MS4A15: variants seen among roughly 807,000 people sequenced by gnomAD.
MS4A15 encodes membrane-spanning 4-domains subfamily A member 15.
MS4A15 carries 22 observed loss-of-function variants against 20.6 expected under a neutral mutation model. That is an observed-to-expected ratio of 1.07 (90% CI 0.76 to 1.52). The LOEUF is 1.52. Among genes scored for constraint, MS4A15 ranks in the 40% most tolerant of loss-of-function variants. MS4A15 has a pLI of 0.00. For synonymous variants in MS4A15, 129 were observed against 129.3 expected, an observed-to-expected ratio of 1.00 and a Z score of 0.02; for missense variants, 312 against 323.0, an observed-to-expected ratio of 0.97 and a Z score of 0.26.
At chr11:60,767,473 G>C (rs1265518142) in intron 2 of MS4A15, 60 bp from the exon 3 acceptor site, 3 of 1,415,462 alleles carry the variant, frequency 2.1e-6, no homozygotes, top group Non-Finnish European at 2.8e-6. Context: ...CTCTCCGCGG[G>C]GCCGGCAGGG....
intron 1 of MS4A15, among the ~76,000 whole-genome samples, chr11:60,762,856 C>A (rs933957034): frequency 1.3e-5 from 2 of 152,134 alleles, no homozygotes; most frequent in African/African-American, 4.8e-5. Flanking sequence ...AATGTAACTC[C>A]TTGACCCTAA....
At chr11:60,759,679 G>A (rs1161466927) in intron 1 of MS4A15, among the ~76,000 whole-genome samples, 2 of 152,186 alleles carry the variant, frequency 1.3e-5, no homozygotes, top group Admixed American at 6.5e-5. Context: ...GGAGAAAACT[G>A]CCCTGTGGCT....
chr11:60,764,104 C>T (rs78177330), intron 2 of MS4A15, 146 bp downstream of exon 2: 27,527 of 728,470 alleles, frequency 0.038, 830 homozygotes, highest in South Asian at 0.091. Context: ...GGTAGACAAG[C>T]ACCCTTCCCG....
intron 1 of MS4A15, among the ~76,000 whole-genome samples, chr11:60,757,885 T>C (rs1257144431): frequency 1.3e-5 from 2 of 152,226 alleles, no homozygotes; most frequent in African/African-American, 2.4e-5. Context: ...TCCCTGTTAT[T>C]GTTCAAAGCA....
intron 2 of MS4A15, among the ~76,000 whole-genome samples, chr11:60,766,958 A>G (rs1275680702): frequency 2.0e-5 from 3 of 152,184 alleles, no homozygotes; most frequent in Admixed American, 6.5e-5. Flanking sequence ...TGTTTCTGCT[A>G]TTTGGCAGAC....
intron 2 of MS4A15, among the ~76,000 whole-genome samples, chr11:60,764,634 G>C (rs940296354): frequency 1.3e-5 from 2 of 152,344 alleles, no homozygotes; most frequent in African/African-American, 4.8e-5. Context: ...CTTTAGGCCA[G>C]GTGAGGTGGC....
Position 60,775,935 on chromosome 11 carries a change from G to A in MS4A15, c.*220G>A, listed in dbSNP as rs147908770. ...AAAAGACACCGGGCTGACGTCAGGGGTGTGTGTCCTTCAGCTCCCTGAGCC... is the reference window on the plus strand; with the variant it reads ...AAAAGACACCGGGCTGACGTCAGGGATGTGTGTCCTTCAGCTCCCTGAGCC... On this transcript the variant is annotated 3_prime_UTR_variant, in exon 7 of 7. Coordinates refer to ENST00000405633, the MANE Select transcript of MS4A15 (RefSeq NM_001098835.2). 2.3e-6 allele frequency: 1 copy of A among 441,222 alleles called. No homozygotes were observed. Among genetic ancestry groups the A allele is most frequent in the Non-Finnish European group, 4.1e-6 (1 of 244,446 alleles). 27.3% of individuals were successfully genotyped at this position (441,222 alleles called of 1,614,324 possible). A position where few individuals can be genotyped will look rare whatever the true frequency, so the allele number is the denominator to read the frequency against.
At chr11:60,775,411 T>C (rs1289982678) in intron 6 of MS4A15, among the ~76,000 whole-genome samples, 194 bp from the exon 7 acceptor site, 1 of 152,192 alleles carries the variant, frequency 6.6e-6, no homozygotes, top group Non-Finnish European at 1.5e-5. Flanking sequence ...GTACTCCCAA[T>C]GCCTGGATCA....
intron 2 of MS4A15, among the ~76,000 whole-genome samples, 171 bp from the exon 3 acceptor site, chr11:60,767,362 A>G (rs969977492): frequency 3.9e-5 from 6 of 152,174 alleles, no homozygotes; most frequent in Non-Finnish European, 5.9e-5. Flanking sequence ...TTTCTCCTTA[A>G]AAGTGTCTAT....
At chr11:60,758,992 C>T (rs1853658549) in intron 1 of MS4A15, among the ~76,000 whole-genome samples, 1 of 152,234 alleles carries the variant, frequency 6.6e-6, no homozygotes, top group South Asian at 2.1e-4. Context: ...GTTAGTGATT[C>T]CGCTTATGCG....
intron 2 of MS4A15, among the ~76,000 whole-genome samples, chr11:60,764,589 G>A (rs1468005074): frequency 4.6e-5 from 7 of 152,152 alleles, no homozygotes; most frequent in East Asian, 3.9e-4. Context: ...ACATTTGCAC[G>A]TGTGTGTGTA....
At chr11:60,758,519 C>T (rs1825330000) in intron 1 of MS4A15, among the ~76,000 whole-genome samples, 1 of 152,224 alleles carries the variant, frequency 6.6e-6, no homozygotes, top group Non-Finnish European at 1.5e-5. Flanking sequence ...AATATAGGCA[C>T]TACAACTCAT....
At position 60,763,808 on chromosome 11, in the gene MS4A15, T is replaced by C; in HGVS notation, c.75T>C (p.Pro25=). The C allele has an allele frequency of 6.2e-7, 1 of 1,612,366 alleles. No individual in the cohort carries two copies. Among genetic ancestry groups the C allele is most frequent in the Non-Finnish European group, 8.5e-7 (1 of 1,179,806 alleles). Residue 25 remains proline, a synonymous_variant, in exon 2 of 7, where the codon CCT becomes CCC. Coordinates refer to ENST00000405633, the MANE Select transcript of MS4A15 (RefSeq NM_001098835.2). The stretch of plus-strand genomic sequence containing the variant: ...ACAACGCCAGTGGCCTCTGCCCACC[T>C]CCGGCCATTCTGCCCACATCCATGT... ...PPNNASGLCP[P]PAILPTSMCQ...
chr11:60,767,688 G>C (rs539767543), intron 3 of MS4A15, 33 bp downstream of exon 3: 1 of 1,515,406 alleles, frequency 6.6e-7, no homozygotes, highest in South Asian at 1.3e-5. Flanking sequence ...GGGAGGGTAG[G>C]GGGATGCTGC....
At chr11:60,773,241 T>G in intron 4 of MS4A15, 151 bp from the exon 5 acceptor site, 23 of 541,770 alleles carry the variant, frequency 4.2e-5, no homozygotes, top group Non-Finnish European at 4.2e-5. Flanking sequence ...GAGCAGTCAA[T>G]GAGAACACAG....
chr11:60,757,643 T>C (rs1853627590), intron 1 of MS4A15, among the ~76,000 whole-genome samples: 1 of 152,164 alleles, frequency 6.6e-6, no homozygotes, highest in Admixed American at 6.5e-5. Context: ...TCCTCCACCC[T>C]TAAAGGGACC....
intron 4 of MS4A15, among the ~76,000 whole-genome samples, chr11:60,772,284 A>G (rs1854064227): frequency 6.6e-6 from 1 of 152,142 alleles, no homozygotes; most frequent in Non-Finnish European, 1.5e-5. Flanking sequence ...CAAGTTCAGG[A>G]TTTGTTTTAA....
chr11:60,773,972 C>CCCACGT (rs958713442), intron 6 of MS4A15, 22 bp downstream of exon 6: 7 of 1,578,926 alleles, frequency 4.4e-6, no homozygotes, highest in Non-Finnish European at 6.1e-6. Context: ...CACCCCCACC[C>CCCACGT]CCACGTCCAC....
At chr11:60,760,712 A>C (rs913109215) in intron 1 of MS4A15, among the ~76,000 whole-genome samples, 1 of 152,224 alleles carries the variant, frequency 6.6e-6, no homozygotes, top group Non-Finnish European at 1.5e-5. Context: ...CAGTCAGGCC[A>C]TTATTAAACA....
Sources: gnomAD v4.1 joint callset for allele counts (sites outside exome capture counted in the v4.1 genomes callset) on GRCh38, gnomAD v4.1.1 for gene constraint, MANE v1.5 for transcripts, NCBI Gene and HGNC (gene_info 2026-07-23, HGNC 2026-07-21) for gene names.